Variants in DHRSX observed in about 807,000 individuals in gnomAD.
The protein encoded by DHRSX is dehydrogenase/reductase X-linked, also known as polyprenol dehydrogenase.
Under a neutral mutation model 34.0 loss-of-function variants are expected in DHRSX, and 31 were observed. That is an observed-to-expected ratio of 0.91 (90% CI 0.69 to 1.23). The LOEUF is 1.23. DHRSX is among the 50% of genes most tolerant of loss of function. The pLI is 0.00. For missense variants in DHRSX, 414 were observed against 428.1 expected (o/e 0.97, Z 0.29); for synonymous variants, 201 against 183.8 (o/e 1.09, Z -0.76).
chrX:2,225,192 C>T (rs918725920), intron 6 of DHRSX, among the ~76,000 whole-genome samples: 4 of 150,946 alleles, frequency 2.6e-5, no homozygotes, highest in African/African-American at 7.3e-5. Context: ...CTCACACATG[C>T]ACACATTTGC....
At chrX:2,256,292 CT>C (rs766215892) in intron 5 of DHRSX, among the ~76,000 whole-genome samples, 1 of 150,408 alleles carries the variant, frequency 6.6e-6, no homozygotes. Context: ...TGTGCCTGCC[CT>C]TTTTTTTCTT....
intron 6 of DHRSX, among the ~76,000 whole-genome samples, chrX:2,233,408 G>A (rs960556064): frequency 1.3e-5 from 2 of 151,362 alleles, no homozygotes; most frequent in Non-Finnish European, 2.9e-5. Context: ...TTAGAGACTG[G>A]CAAGAGGACA....
At chrX:2,321,539 A>C (rs186120868) in intron 3 of DHRSX, among the ~76,000 whole-genome samples, 5 of 152,074 alleles carry the variant, frequency 3.3e-5, no homozygotes, top group Admixed American at 2.6e-4. Context: ...GTGCCCTTGT[A>C]AGAAGAGACA....
intron 1 of DHRSX, among the ~76,000 whole-genome samples, chrX:2,484,823 G>C (rs1320298): frequency 0.25 from 38,583 of 151,830 alleles, 6,191 homozygotes; most frequent in Non-Finnish European, 0.34. Context: ...AACAAAAGCA[G>C]GAGCTGGCTG....
At chrX:2,287,590 C>T (rs1257963290) in intron 4 of DHRSX, among the ~76,000 whole-genome samples, 2 of 148,484 alleles carry the variant, frequency 1.3e-5, no homozygotes, top group Admixed American at 6.6e-5. Flanking sequence ...ATAATGGCCC[C>T]GAAGATGTCC....
At chrX:2,431,403 A>G (rs2043921209) in intron 1 of DHRSX, among the ~76,000 whole-genome samples, 1 of 151,684 alleles carries the variant, frequency 6.6e-6, no homozygotes, top group East Asian at 1.9e-4. Flanking sequence ...GTTTGATTCC[A>G]TGTCTTTGCT....
rs772633950 is a variant in DHRSX at position 2,453,934 on chromosome X, GTTAA to G, written c.110-28634_110-28631del. Among the ~76,000 whole-genome samples the G allele has an allele frequency of 2.0e-3, 304 of 152,218 alleles. 1 individual carries two copies. Among genetic ancestry groups the G allele is most frequent in the South Asian group, 0.018 (87 of 4,820 alleles). On this transcript the variant is annotated intron_variant, in intron 1 of 6. Coordinates refer to ENST00000334651, the MANE Select transcript of DHRSX (RefSeq NM_145177.3). ...TACGTTATTAGCTTTATTTTAATAT[GTTAA>G]TTAACTTTATTGTTAATATGGTAAC...
chrX:2,430,427 C>T (rs1347283395), intron 1 of DHRSX, among the ~76,000 whole-genome samples: 1 of 152,060 alleles, frequency 6.6e-6, no homozygotes, highest in African/African-American at 2.4e-5. Flanking sequence ...TTGCAACAAT[C>T]GCCTGACACC....
At chrX:2,459,516 T>C (rs895755366) in intron 1 of DHRSX, among the ~76,000 whole-genome samples, 102 of 139,940 alleles carry the variant, frequency 7.3e-4, no homozygotes, top group Non-Finnish European at 1.2e-3. Flanking sequence ...TATTGTACCA[T>C]AGAGAGAGAG....
At chrX:2,327,093 G>C (rs1039577320) in intron 3 of DHRSX, among the ~76,000 whole-genome samples, 1 of 152,206 alleles carries the variant, frequency 6.6e-6, no homozygotes, top group Non-Finnish European at 1.5e-5. Flanking sequence ...GATTACAGGC[G>C]TGAGCCACCG....
chrX:2,347,000 T>C (rs191447618), intron 3 of DHRSX, among the ~76,000 whole-genome samples: 4,349 of 152,276 alleles, frequency 0.029, 188 homozygotes, highest in African/African-American at 0.099. Context: ...TATGGCTGCA[T>C]AGTATTCCAT....
At position 2,319,521 on chromosome X, in the gene DHRSX, T is replaced by C. The variant is rs1391872809; in HGVS notation, c.287-27918A>G. Among the ~76,000 whole-genome samples, 5 of 127,166 alleles carry C rather than the reference T, an allele frequency of 3.9e-5. No homozygotes were observed. In the Admixed American group the frequency reaches 4.8e-4, roughly 12 times the overall value. 83.4% of individuals were successfully genotyped at this position (127,166 alleles called of 152,430 possible). A position where few individuals can be genotyped will look rare whatever the true frequency, so the allele number is the denominator to read the frequency against. ...TCGTGCCACTGCACTCCAGCCTCGG[T>C]GACAGAGTGAGACTCCATCTCAAAA... is the stretch of plus-strand genomic sequence containing the variant. On this transcript the variant is annotated intron_variant, in intron 3 of 6. Coordinates refer to ENST00000334651, the MANE Select transcript of DHRSX (RefSeq NM_145177.3).
chrX:2,250,610 G>A (rs1467246282), intron 5 of DHRSX, among the ~76,000 whole-genome samples: 1 of 152,072 alleles, frequency 6.6e-6, no homozygotes, highest in Non-Finnish European at 1.5e-5. Context: ...ATCATGACCA[G>A]AGAGGATGAC....
chrX:2,469,598 G>A (rs1174224557), intron 1 of DHRSX, among the ~76,000 whole-genome samples: 1 of 148,810 alleles, frequency 6.7e-6, no homozygotes, highest in Non-Finnish European at 1.5e-5. Flanking sequence ...CCCTAAGCAT[G>A]TGGCCAAGGG....
intron 6 of DHRSX, 73 bp from the exon 7 acceptor site, chrX:2,221,302 T>C: frequency 1.3e-6 from 2 of 1,481,850 alleles, no homozygotes; most frequent in Non-Finnish European, 1.9e-6. Flanking sequence ...AGGACTCACA[T>C]GGATGCTGCA....
chrX:2,469,279 C>T (rs2044550824), intron 1 of DHRSX, among the ~76,000 whole-genome samples: 1 of 149,176 alleles, frequency 6.7e-6, no homozygotes, highest in Non-Finnish European at 1.5e-5. Flanking sequence ...GGACTGCCAC[C>T]GTGTACACGC....
intron 1 of DHRSX, among the ~76,000 whole-genome samples, chrX:2,466,428 A>T (rs2044497203): frequency 6.6e-6 from 1 of 152,140 alleles, no homozygotes; most frequent in Non-Finnish European, 1.5e-5. Flanking sequence ...ACAAGAAGGA[A>T]ACCCAGTCTC....
At chrX:2,376,948 C>T (rs905450243) in intron 3 of DHRSX, among the ~76,000 whole-genome samples, 14 of 151,026 alleles carry the variant, frequency 9.3e-5, no homozygotes, top group African/African-American at 3.4e-4. Context: ...GAGCCGAGAT[C>T]ACACCACTGC....
chrX:2,489,009 C>T (rs1484850817), intron 1 of DHRSX: 33 of 1,611,114 alleles, frequency 2.0e-5, no homozygotes, highest in Non-Finnish European at 2.8e-5. Context: ...TTGCTCAGCT[C>T]CTCCACCACC....
Sources: gnomAD v4.1 joint callset for allele counts (sites outside exome capture counted in the v4.1 genomes callset) on GRCh38, gnomAD v4.1.1 for gene constraint, MANE v1.5 for transcripts, NCBI Gene and HGNC (gene_info 2026-07-23, HGNC 2026-07-21) for gene names.